SBF2: variants seen among roughly 807,000 people sequenced by gnomAD.
SBF2 encodes myotubularin-related protein 13.
A neutral mutation model predicts 225.2 loss-of-function variants in SBF2; 112 were observed. The ratio of observed to expected loss-of-function variants is 0.50; its 90% confidence interval spans 0.43 to 0.58. SBF2 has a LOEUF of 0.58. Among genes scored for constraint, SBF2 ranks in the 20% least tolerant of loss-of-function variants. The pLI is 0.00. For synonymous variants in SBF2, 763 were observed against 773.3 expected (o/e 0.99, Z 0.22); for missense variants, 1,996 against 2,206.2 (o/e 0.90, Z 1.91).
chr11:9,954,398 A>AT (rs1189252299), intron 16 of SBF2, among the ~76,000 whole-genome samples: 3 of 152,214 alleles, frequency 2.0e-5, no homozygotes, highest in African/African-American at 7.2e-5. Flanking sequence ...ATCCCTGTTG[A>AT]TAAGTACGTT....
At chr11:10,179,655 C>T (rs1302078195) in intron 2 of SBF2, among the ~76,000 whole-genome samples, 1 of 152,110 alleles carries the variant, frequency 6.6e-6, no homozygotes, top group East Asian at 1.9e-4. Flanking sequence ...GGTGTCTATT[C>T]TTTAGCTCTA....
chr11:9,912,095 T>A (rs576140033), intron 16 of SBF2, among the ~76,000 whole-genome samples: 1 of 151,536 alleles, frequency 6.6e-6, no homozygotes, highest in East Asian at 1.9e-4. Context: ...GGCAGGCAAA[T>A]CACAAGGTTA....
chr11:9,941,229 C>A (rs759607311), intron 16 of SBF2, among the ~76,000 whole-genome samples: 5 of 152,122 alleles, frequency 3.3e-5, no homozygotes, highest in Non-Finnish European at 2.9e-5. Flanking sequence ...GTGGGAGGAT[C>A]ACTTGAGCCC....
intron 32 of SBF2, among the ~76,000 whole-genome samples, chr11:9,805,769 T>C (rs750530043): frequency 2.6e-5 from 4 of 152,110 alleles, no homozygotes; most frequent in African/African-American, 9.7e-5. Flanking sequence ...ACTACAGGCG[T>C]GCGCCCCCAC....
intron 2 of SBF2, among the ~76,000 whole-genome samples, chr11:10,108,051 G>A (rs1243771708): frequency 6.6e-6 from 1 of 152,126 alleles, no homozygotes; most frequent in African/African-American, 2.4e-5. Context: ...GGATATAAAT[G>A]TATATTAAAA....
chr11:9,895,245 G>A lies in SBF2; in HGVS notation c.1929+698C>T, dbSNP rs1480453839. 2.0e-5 allele frequency among the ~76,000 whole-genome samples: 3 copies of A among 152,182 alleles called. 1 individual carries two copies. The highest frequency in any genetic ancestry group is 4.4e-5 in the Non-Finnish European group (3 of 68,044). On this transcript the variant is annotated intron_variant, in intron 17 of 39. Coordinates refer to ENST00000256190, the MANE Select transcript of SBF2 (RefSeq NM_030962.4). ...CTTATTGCTTCCTGAAGCTGACTGT[G>A]CATGTAGCTGAATAGTAAGTCAGCT...
intron 16 of SBF2, among the ~76,000 whole-genome samples, chr11:9,927,459 A>T (rs1864142645): frequency 1.3e-5 from 2 of 152,216 alleles, no homozygotes; most frequent in Admixed American, 1.3e-4. Context: ...GTTAAACCGG[A>T]TGCAGTACTA....
intron 16 of SBF2, among the ~76,000 whole-genome samples, chr11:9,910,328 T>C (rs1426393284): frequency 6.6e-6 from 1 of 152,208 alleles, no homozygotes; most frequent in Non-Finnish European, 1.5e-5. Flanking sequence ...ACAAACCTAC[T>C]GTGCTGCCAG....
At chr11:9,786,206 A>G (rs1852362611) in intron 36 of SBF2, among the ~76,000 whole-genome samples, 1 of 152,308 alleles carries the variant, frequency 6.6e-6, no homozygotes, top group African/African-American at 2.4e-5. Flanking sequence ...ACGTATGCCA[A>G]CGTGGAGTGA....
intron 1 of SBF2, among the ~76,000 whole-genome samples, chr11:10,282,467 A>T (rs1186360442): frequency 6.6e-6 from 1 of 151,958 alleles, no homozygotes; most frequent in Non-Finnish European, 1.5e-5. Context: ...CTAAACACCT[A>T]AATGACATCT....
chr11:10,066,519 T>C (rs1950629348), intron 2 of SBF2, among the ~76,000 whole-genome samples: 1 of 151,866 alleles, frequency 6.6e-6, no homozygotes, highest in Admixed American at 6.6e-5. Context: ...CTAAGAAAAA[T>C]GATATGATCA....
At chr11:9,903,988 C>A (rs1466034404) in intron 16 of SBF2, among the ~76,000 whole-genome samples, 1 of 152,100 alleles carries the variant, frequency 6.6e-6, no homozygotes, top group Non-Finnish European at 1.5e-5. Context: ...GTGCCAGCTG[C>A]CAATTTATCA....
chr11:10,213,732 C>A (rs1003596746), intron 1 of SBF2, among the ~76,000 whole-genome samples: 5 of 152,128 alleles, frequency 3.3e-5, no homozygotes, highest in African/African-American at 1.2e-4. Flanking sequence ...AAGCATCACT[C>A]AAAGGAAGAA....
At chr11:9,832,959 T>C (rs1590179311) in intron 26 of SBF2, among the ~76,000 whole-genome samples, 1 of 152,362 alleles carries the variant, frequency 6.6e-6, no homozygotes, top group East Asian at 1.9e-4. Flanking sequence ...CTATTTCCCT[T>C]GCCTTATACA....
intron 1 of SBF2, among the ~76,000 whole-genome samples, chr11:10,300,586 A>ATCCC (rs1223330149): frequency 2.6e-5 from 4 of 151,944 alleles, no homozygotes; most frequent in East Asian, 3.9e-4. Flanking sequence ...ATATCACAGG[A>ATCCC]TCCCTATCTG....
intron 2 of SBF2, among the ~76,000 whole-genome samples, chr11:10,118,845 G>C (rs1953292560): frequency 1.3e-5 from 2 of 151,162 alleles, no homozygotes; most frequent in African/African-American, 4.9e-5. Context: ...AATTACCTAA[G>C]GTTCATTTAG....
chr11:9,799,622 G>A (rs917318819), intron 32 of SBF2, among the ~76,000 whole-genome samples: 4 of 152,192 alleles, frequency 2.6e-5, no homozygotes, highest in African/African-American at 9.7e-5. Context: ...TAGATACCAC[G>A]TTTAGAATCC....
At chr11:10,128,828 G>A (rs1029731342) in intron 2 of SBF2, among the ~76,000 whole-genome samples, 5 of 152,134 alleles carry the variant, frequency 3.3e-5, no homozygotes, top group Admixed American at 1.3e-4. Context: ...TTTAAAACAC[G>A]TAGGGGAAAT....
chr11:9,789,956 T>C (rs966751631), intron 34 of SBF2, among the ~76,000 whole-genome samples: 2 of 152,126 alleles, frequency 1.3e-5, no homozygotes, highest in Non-Finnish European at 2.9e-5. Context: ...CTCACCTCCA[T>C]GAGGAGGATG....
Sources: allele counts gnomAD v4.1 joint callset (sites outside exome capture counted in the v4.1 genomes callset), GRCh38; gene constraint gnomAD v4.1.1; transcripts MANE v1.5; gene names NCBI Gene and HGNC (gene_info 2026-07-23, HGNC 2026-07-21).